Variants in ITK observed in about 807,000 individuals in gnomAD.
ITK encodes the protein IL2 inducible T cell kinase.
A neutral mutation model predicts 87.6 loss-of-function variants in ITK; 45 were observed. That is an observed-to-expected ratio of 0.51 (90% confidence interval 0.40 to 0.66). The LOEUF (loss-of-function observed/expected upper bound fraction) is 0.66, where lower values mean the gene tolerates loss of function less well. ITK is among the 30% of genes least tolerant of loss of function. ITK has a pLI of 0.00. For missense variants in ITK, 605 were observed against 766.3 expected, an observed-to-expected ratio of 0.79 and a Z score of 2.48; for synonymous variants, 303 against 273.6, an observed-to-expected ratio of 1.11 and a Z score of -1.06.
In ITK at chr5:157,208,948, G is replaced by A. The variant is rs1487057304; in HGVS notation, c.198G>A (p.Val66=). 6.2e-7 allele frequency: 1 copy of A among 1,614,102 alleles called. No individual in the cohort carries two copies. Among genetic ancestry groups the A allele is most frequent in the Admixed American group, 1.7e-5 (1 of 60,020 alleles). The change falls in exon 2 of 17, where the codon GTG becomes GTA. Residue 66 remains valine, a synonymous_variant. Coordinates refer to ENST00000422843, the MANE Select transcript of ITK (RefSeq NM_005546.4). The stretch of plus-strand genomic sequence containing the variant: ...CCCGAATCAAATGTGTTGAGATTGT[G>A]AAAAGTGACATCAGCATCCCATGCC... ...ELSRIKCVEI[V]KSDISIPCHY...
chr5:157,248,498 C>T (rs998490022), intron 15 of ITK, among the ~76,000 whole-genome samples: 2 of 152,116 alleles, frequency 1.3e-5, no homozygotes, highest in African/African-American at 4.8e-5. Flanking sequence ...TAAGACAGAA[C>T]TGTTTATCTC....
In ITK at chr5:157,254,830, C is replaced by A; in HGVS notation, c.*2152C>A. On this transcript the variant is annotated 3_prime_UTR_variant, in exon 17 of 17. Transcript: ENST00000422843. ...GTATTACCTTTTTCAAGCTCAGATT[C>A]ATCTAATCCTCAACTGTACATGTGT... 4.6e-6 allele frequency: 1 copy of A among 217,606 alleles called. No homozygotes were observed. Among genetic ancestry groups the A allele is most frequent in the Middle Eastern group, 1.4e-3 (1 of 702 alleles). 13.5% of individuals were successfully genotyped at this position (217,606 alleles called of 1,614,324 possible).
chr5:157,199,461 A>G (rs1298519547), intron 1 of ITK: 1 of 152,210 alleles, frequency 6.6e-6, no homozygotes, highest in Non-Finnish European at 1.5e-5. Context: ...TTTGCAATCC[A>G]GCATAAGCAT....
intron 1 of ITK, among the ~76,000 whole-genome samples, chr5:157,206,180 C>A (rs1349167913): frequency 6.6e-6 from 1 of 151,878 alleles, no homozygotes; most frequent in Non-Finnish European, 1.5e-5. Context: ...GTCTCGAACC[C>A]CTGGGCTCAA....
intron 1 of ITK, among the ~76,000 whole-genome samples, chr5:157,193,270 T>C (rs1357183965): frequency 1.3e-5 from 2 of 152,176 alleles, no homozygotes; most frequent in African/African-American, 4.8e-5. Flanking sequence ...ATATCAGGAA[T>C]TCACAAAAAG....
chr5:157,182,381 C>A (rs1444000437), intron 1 of ITK, among the ~76,000 whole-genome samples: 1 of 152,004 alleles, frequency 6.6e-6, no homozygotes, highest in African/African-American at 2.4e-5. Context: ...CTATGGATGC[C>A]TCACTTTTTA....
intron 15 of ITK, 113 bp from the exon 16 acceptor site, chr5:157,248,737 G>C (rs894322886): frequency 8.4e-7 from 1 of 1,190,126 alleles, no homozygotes; most frequent in African/African-American, 1.5e-5. Flanking sequence ...TGCACTTCTG[G>C]AGGTAGCACA....
intron 1 of ITK, among the ~76,000 whole-genome samples, chr5:157,189,432 C>A (rs2113738206): frequency 6.6e-6 from 1 of 152,228 alleles, no homozygotes; most frequent in Non-Finnish European, 1.5e-5. Context: ...GTAATCCTCG[C>A]ACTTTGGGAG....
At chr5:157,236,473 C>G (rs966694186) in intron 8 of ITK, among the ~76,000 whole-genome samples, 1 of 152,014 alleles carries the variant, frequency 6.6e-6, no homozygotes, top group Non-Finnish European at 1.5e-5. Context: ...TGCCCACAGG[C>G]AAACCATCAT....
At chr5:157,216,920 C>T (rs1307248562) in intron 4 of ITK, among the ~76,000 whole-genome samples, 4 of 152,240 alleles carry the variant, frequency 2.6e-5, no homozygotes, top group African/African-American at 9.6e-5. Flanking sequence ...CTCTCCTCTA[C>T]CACATCCCTG....
chr5:157,217,985 CT>C, intron 5 of ITK, 78 bp downstream of exon 5: 5 of 1,254,252 alleles, frequency 4.0e-6, no homozygotes, highest in South Asian at 3.6e-5. Context: ...GCATGTCCCC[CT>C]CTCCCCATAG....
intron 4 of ITK, among the ~76,000 whole-genome samples, chr5:157,217,549 G>A (rs994786056): frequency 1.3e-5 from 2 of 152,258 alleles, no homozygotes; most frequent in Admixed American, 6.5e-5. Flanking sequence ...TATGCCTACA[G>A]GGAAGGGTGC....
rs146539955 is a variant in ITK at position 157,216,881 on chromosome 5, C to T, written c.455-986C>T. On this transcript the variant is annotated intron_variant, in intron 4 of 16. Coordinates refer to ENST00000422843, the MANE Select transcript of ITK (RefSeq NM_005546.4). Reference sequence around the variant, plus strand: ...CCTACTCTTTCTTGGCAAGTCTGCACGGGACTGGGCTCCAGTGTCAATGTG... The same window carrying T: ...CCTACTCTTTCTTGGCAAGTCTGCATGGGACTGGGCTCCAGTGTCAATGTG... Among the ~76,000 whole-genome samples, 547 of 152,238 alleles carry T rather than the reference C, an allele frequency of 3.6e-3. 3 individuals are homozygous for T. Among genetic ancestry groups the T allele is most frequent in the Non-Finnish European group, 4.2e-3 (286 of 68,016 alleles).
At chr5:157,183,649 A>T (rs1226061422) in intron 1 of ITK, among the ~76,000 whole-genome samples, 2 of 152,178 alleles carry the variant, frequency 1.3e-5, no homozygotes, top group Non-Finnish European at 2.9e-5. Flanking sequence ...TCAAGCTAAG[A>T]TCAGGGTCCT....
intron 8 of ITK, among the ~76,000 whole-genome samples, chr5:157,233,738 T>C (rs1561660939): frequency 1.3e-5 from 2 of 151,730 alleles, no homozygotes; most frequent in South Asian, 4.2e-4. Flanking sequence ...AACTCTGAAT[T>C]ACACTGTGTT....
intron 1 of ITK, among the ~76,000 whole-genome samples, chr5:157,200,508 G>A (rs1425380448): frequency 2.6e-5 from 4 of 152,150 alleles, no homozygotes; most frequent in African/African-American, 9.7e-5. Flanking sequence ...ACTGTGTCGG[G>A]CTCATTGACC....
At chr5:157,208,815 A>C (rs1754129174) in intron 1 of ITK, 74 bp from the exon 2 acceptor site, 1 of 1,024,972 alleles carries the variant, frequency 9.8e-7, no homozygotes, top group Admixed American at 1.9e-5. Flanking sequence ...ATCTAGCAGT[A>C]GATTTCTGGA....
intron 1 of ITK, among the ~76,000 whole-genome samples, chr5:157,184,144 A>AG (rs199986403): frequency 0.031 from 4,510 of 146,814 alleles, 200 homozygotes; most frequent in African/African-American, 0.11. Context: ...TGTGCCTGTC[A>AG]ATTTTTTTCC....
intron 16 of ITK, 33 bp downstream of exon 16, chr5:157,249,040 C>G (rs770115412): frequency 1.2e-6 from 2 of 1,601,038 alleles, no homozygotes; most frequent in Non-Finnish European, 1.7e-6. Flanking sequence ...CATGCATTGT[C>G]GTATACAATT....
Sources: allele counts gnomAD v4.1 joint callset (sites outside exome capture counted in the v4.1 genomes callset), GRCh38; gene constraint gnomAD v4.1.1; transcripts MANE v1.5; gene names NCBI Gene and HGNC (gene_info 2026-07-23, HGNC 2026-07-21).